The following BMP6 variants were observed in gnomAD, a reference collection of about 807,000 sequenced individuals.
The protein encoded by BMP6 is bone morphogenetic protein 6, also known as VG-1-R.
In BMP6, 17 loss-of-function variants were observed where a neutral mutation model predicts 54.1. The observed-to-expected ratio is 0.31, with a 90% CI of 0.22 to 0.47. The LOEUF (loss-of-function observed/expected upper bound fraction) is 0.47, where lower values mean the gene tolerates loss of function less well. Ranked by LOEUF, BMP6 falls within the 20% of genes least tolerant of loss-of-function variation. The pLI, the probability that BMP6 is intolerant of heterozygous loss-of-function variation, is 1.00. For synonymous variants in BMP6, 328 were observed against 291.2 expected, an observed-to-expected ratio of 1.13 and a Z score of -1.28; for missense variants, 720 against 690.4, an observed-to-expected ratio of 1.04 and a Z score of -0.48.
chr6:7,735,359 G>C (rs959932012), intron 1 of BMP6, among the ~76,000 whole-genome samples: 24 of 152,206 alleles, frequency 1.6e-4, no homozygotes, highest in Non-Finnish European at 1.9e-4. Flanking sequence ...TAGGCCAGGA[G>C]ATTTCTTATA....
intron 1 of BMP6, among the ~76,000 whole-genome samples, chr6:7,766,432 A>T (rs147170798): frequency 2.0e-5 from 3 of 152,160 alleles, no homozygotes; most frequent in Non-Finnish European, 4.4e-5. Context: ...TGGGCAACAT[A>T]GTGGGACCCT....
chr6:7,822,746 C>CA (rs989400897), intron 1 of BMP6, among the ~76,000 whole-genome samples: 1 of 152,048 alleles, frequency 6.6e-6, no homozygotes, highest in African/African-American at 2.4e-5. Context: ...TACAAGTGAC[C>CA]AAAAGGGTGA....
chr6:7,735,446 T>G (rs2113108863), intron 1 of BMP6, among the ~76,000 whole-genome samples: 1 of 152,362 alleles, frequency 6.6e-6, no homozygotes, highest in East Asian at 1.9e-4. Flanking sequence ...ATTTAAATAG[T>G]CCAAAGACTG....
rs1759659612 is a variant in BMP6, at chr6:7,878,629, G to A, written c.1205-445G>A. On this transcript the variant is annotated intron_variant, in intron 4 of 6. Coordinates refer to ENST00000283147, the MANE Select transcript of BMP6 (RefSeq NM_001718.6). ...TACTCTTCCTTCAGGATACTCTTCT[G>A]GCCCGGCAGCTGTCTTGAAAGCCCC... Among the ~76,000 whole-genome samples the A allele has an allele frequency of 3.9e-5, 6 of 151,900 alleles. No homozygotes were observed. The South Asian group carries it at 1.2e-3, about 32-fold the overall frequency.
intron 1 of BMP6, among the ~76,000 whole-genome samples, chr6:7,799,467 G>C (rs964744120): frequency 7.2e-5 from 11 of 152,128 alleles, no homozygotes; most frequent in African/African-American, 2.7e-4. Flanking sequence ...AGGGCTATTT[G>C]ATTCCAACTG....
rs538149679 is a variant in BMP6, at chr6:7,863,336, C to G, written c.1204+838C>G. On this transcript the variant is annotated intron_variant, in intron 4 of 6. Transcript: ENST00000283147. ...TTAGGCATGGCTGGATCCATGGGCT[C>G]AGATGATAATCAGGAATCTCTCTCT... Among the ~76,000 whole-genome samples the G allele has an allele frequency of 2.6e-5, 4 of 152,268 alleles. No individual in the cohort carries two copies. The East Asian group carries it at 5.8e-4, about 22-fold the overall frequency.
At chr6:7,774,971 A>G (rs1757842623) in intron 1 of BMP6, among the ~76,000 whole-genome samples, 3 of 152,180 alleles carry the variant, frequency 2.0e-5, no homozygotes, top group Admixed American at 2.0e-4. Flanking sequence ...GAGAACACTC[A>G]AAGGAGAAAC....
intron 4 of BMP6, among the ~76,000 whole-genome samples, chr6:7,873,415 G>T (rs986754932): frequency 1.3e-5 from 2 of 152,190 alleles, no homozygotes; most frequent in Admixed American, 1.3e-4. Flanking sequence ...GGCATGGGTG[G>T]TTGGAGCTTC....
chr6:7,772,465 C>A (rs1757804268), intron 1 of BMP6, among the ~76,000 whole-genome samples: 1 of 152,092 alleles, frequency 6.6e-6, no homozygotes, highest in South Asian at 2.1e-4. Context: ...GTCAAACAGC[C>A]AGAACACTCT....
intron 2 of BMP6, among the ~76,000 whole-genome samples, chr6:7,860,369 A>G (rs1648884335): frequency 6.6e-6 from 1 of 152,182 alleles, no homozygotes; most frequent in African/African-American, 2.4e-5. Flanking sequence ...GAGTCTTTCC[A>G]TGGCCAAAAT....
intron 1 of BMP6, among the ~76,000 whole-genome samples, chr6:7,773,390 C>G (rs139804892): frequency 1.2e-4 from 18 of 152,256 alleles, no homozygotes; most frequent in East Asian, 3.9e-4. Context: ...TCATTCGCCC[C>G]GGTGCATTTT....
chr6:7,820,447 A>G (rs1473051448), intron 1 of BMP6, among the ~76,000 whole-genome samples: 1 of 152,182 alleles, frequency 6.6e-6, no homozygotes, highest in Admixed American at 6.5e-5. Context: ...GGACTTGCTG[A>G]TGACTGCGCA....
At chr6:7,816,377 A>G (rs1758526530) in intron 1 of BMP6, among the ~76,000 whole-genome samples, 1 of 152,218 alleles carries the variant, frequency 6.6e-6, no homozygotes, top group South Asian at 2.1e-4. Context: ...TTGGGGGTCA[A>G]AAAAACTCTT....
At chr6:7,870,414 A>G (rs1245367157) in intron 4 of BMP6, among the ~76,000 whole-genome samples, 5 of 152,352 alleles carry the variant, frequency 3.3e-5, no homozygotes, top group Admixed American at 2.6e-4. Context: ...AAAGTATTGG[A>G]AAAATGAAGG....
chr6:7,727,351 G>C lies in BMP6; in HGVS notation c.396G>C (p.Ala132=). 1 of 1,609,926 alleles carries C rather than the reference G, an allele frequency of 6.2e-7. No individual in the cohort carries two copies. The highest frequency in any genetic ancestry group is 8.5e-7 in the Non-Finnish European group (1 of 1,178,820). The part of the protein sequence containing the change: ...GEPPPGRLKS[A]PLFMLDLYNA... ...CCCCTCCCGGGCGACTGAAGTCCGC[G>C]CCCCTCTTCATGCTGGATCTGTACA... Residue 132 remains alanine, a synonymous_variant, in exon 1 of 7, where the codon GCG becomes GCC. Transcript: ENST00000283147.
At position 7,783,656 on chromosome 6, in the gene BMP6, T is replaced by A. The variant is rs115216766; in HGVS notation, c.664+56037T>A. 5.9e-3 allele frequency among the ~76,000 whole-genome samples: 905 copies of A among 152,376 alleles called. 6 individuals are homozygous for A. The highest frequency in any genetic ancestry group is 0.021 in the African/African-American group (854 of 41,592). Reference sequence around the variant, plus strand: ...TAAAAATTGTTAAGATTGACTTTCATGTCTTCCCCCTCCTTTCTCTTGTTC... The same window carrying A: ...TAAAAATTGTTAAGATTGACTTTCAAGTCTTCCCCCTCCTTTCTCTTGTTC... On this transcript the variant is annotated intron_variant, in intron 1 of 6. Transcript: ENST00000283147.
intron 2 of BMP6, among the ~76,000 whole-genome samples, chr6:7,854,783 C>T (rs963392624): frequency 6.6e-6 from 1 of 152,200 alleles, no homozygotes; most frequent in African/African-American, 2.4e-5. Flanking sequence ...GAGCAAGACT[C>T]TCTCTCAAAA....
intron 1 of BMP6, among the ~76,000 whole-genome samples, chr6:7,800,794 ATTAAT>A (rs1561775969): frequency 1.3e-5 from 2 of 151,136 alleles, no homozygotes; most frequent in Admixed American, 1.3e-4. Flanking sequence ...TTAAAACTTC[ATTAAT>A]TTAAGGAAAT....
chr6:7,822,544 G>C (rs1214637586), intron 1 of BMP6, among the ~76,000 whole-genome samples: 1 of 152,088 alleles, frequency 6.6e-6, no homozygotes, highest in East Asian at 1.9e-4. Context: ...CTCTATTTCT[G>C]TGGGTTTTAT....
Sources: gnomAD v4.1 joint callset for allele counts (sites outside exome capture counted in the v4.1 genomes callset) on GRCh38, gnomAD v4.1.1 for gene constraint, MANE v1.5 for transcripts, NCBI Gene and HGNC (gene_info 2026-07-23, HGNC 2026-07-21) for gene names.